The following GRK4 variants were observed in gnomAD, a reference collection of about 807,000 sequenced individuals.
GRK4 encodes the protein G protein-coupled receptor kinase 2-like.
In GRK4, 73 loss-of-function variants were observed where a neutral mutation model predicts 77.9. That is an observed-to-expected ratio of 0.94 (90% CI 0.78 to 1.14). The LOEUF (loss-of-function observed/expected upper bound fraction) is 1.14. Ranked by LOEUF, GRK4 falls within the 50% of genes most tolerant of loss-of-function variation. The pLI, the probability that GRK4 is intolerant of heterozygous loss-of-function variation, is 0.00. For missense variants in GRK4, 729 were observed against 700.2 expected, an observed-to-expected ratio of 1.04 and a Z score of -0.46; for synonymous variants, 257 against 254.4, an observed-to-expected ratio of 1.01 and a Z score of -0.10.
intron 15 of GRK4, among the ~76,000 whole-genome samples, chr4:3,039,334 T>C (rs1741749621): frequency 6.6e-6 from 1 of 152,212 alleles, no homozygotes; most frequent in Non-Finnish European, 1.5e-5. Flanking sequence ...CATCCTACTT[T>C]GCACCCTGTG....
intron 4 of GRK4, among the ~76,000 whole-genome samples, chr4:2,993,564 A>G (rs2515939): frequency 0.39 from 59,713 of 151,644 alleles, 12,674 homozygotes; most frequent in African/African-American, 0.55. Context: ...ATCCCAGCTA[A>G]TAGGGAGGCT....
intron 8 of GRK4, among the ~76,000 whole-genome samples, chr4:3,019,150 C>A (rs1187915107): frequency 1.3e-5 from 2 of 152,194 alleles, no homozygotes; most frequent in Middle Eastern, 3.2e-3. Context: ...GGTCCCCTAT[C>A]TTTGCATATA....
intron 14 of GRK4, 64 bp downstream of exon 14, chr4:3,037,575 G>A: frequency 1.8e-5 from 27 of 1,509,614 alleles, no homozygotes; most frequent in Non-Finnish European, 2.4e-5. Flanking sequence ...AAAAGGGTGT[G>A]TGTGTGTCCG....
chr4:2,975,604 A>G (rs1445125099), intron 1 of GRK4, among the ~76,000 whole-genome samples: 3 of 152,102 alleles, frequency 2.0e-5, no homozygotes, highest in Non-Finnish European at 2.9e-5. Context: ...CACCCCCAGG[A>G]CATTTTCCTC....
chr4:2,992,276 G>A lies in GRK4; in HGVS notation c.323G>A (p.Arg108Lys). ...GATTGTGGACTGTCAATCTTAGATA[G>A]ATTCTTCAATGATAAGGTGTGTTTT... Reference protein sequence around the residue: ...RSDCGLSILDRFFNDKLAAPL... With the variant: ...RSDCGLSILDKFFNDKLAAPL... Residue 108 changes from arginine (R) to lysine (K), a missense_variant, in exon 4 of 16, where the codon AGA becomes AAA. Coordinates refer to ENST00000398052, the MANE Select transcript of GRK4 (RefSeq NM_182982.3). 1.9e-6 allele frequency: 3 copies of A among 1,603,472 alleles called. No individual in the cohort carries two copies. In the South Asian group the frequency reaches 3.3e-5, roughly 18 times the overall value.
At chr4:2,992,565 C>T (rs1002739725) in intron 4 of GRK4, among the ~76,000 whole-genome samples, 5 of 152,072 alleles carry the variant, frequency 3.3e-5, no homozygotes, top group Non-Finnish European at 7.4e-5. Flanking sequence ...CATCTGTAGT[C>T]CCAGCTACTT....
intron 4 of GRK4, among the ~76,000 whole-genome samples, chr4:2,994,398 A>T (rs1344493462): frequency 6.6e-6 from 1 of 152,088 alleles, no homozygotes; most frequent in Non-Finnish European, 1.5e-5. Context: ...TTTAGTACAG[A>T]CGGGGTTTTG....
At chr4:3,003,856 C>T (rs910414318) in intron 4 of GRK4, among the ~76,000 whole-genome samples, 1 of 152,104 alleles carries the variant, frequency 6.6e-6, no homozygotes, top group Non-Finnish European at 1.5e-5. Flanking sequence ...CCTGCCTCAG[C>T]CTCCCAAGTA....
rs370523679 is a variant in GRK4, at chr4:2,964,079, C to A, written c.9C>A (p.Leu3=). Residue 3 remains leucine, a synonymous_variant, in exon 1 of 16, where the codon CTC becomes CTA. Coordinates refer to ENST00000398052, the MANE Select transcript of GRK4 (RefSeq NM_182982.3). The stretch of plus-strand genomic sequence containing the variant: ...GGCGGCGGCGCCAGGACATGGAGCT[C>A]GAGAACATCGTGGCCAACTCGCTGC... ME[L]ENIVANSLLL... 1.2e-6 allele frequency: 2 copies of A among 1,609,212 alleles called. No homozygotes were observed. The highest frequency in any genetic ancestry group is 1.7e-6 in the Non-Finnish European group (2 of 1,179,094).
rs1716430326 is a variant in GRK4 at position 2,963,723 on chromosome 4, G to A, written c.-348G>A. ...CCACGGCATTGACTCGGGGCTGCCCGGGGGCAGGGCACTGAGGAGGGAGTT... is the reference window on the plus strand; with the variant it reads ...CCACGGCATTGACTCGGGGCTGCCCAGGGGCAGGGCACTGAGGAGGGAGTT... On this transcript the variant is annotated 5_prime_UTR_variant, in exon 1 of 16. Transcript: ENST00000398052. 2.5e-6 allele frequency: 1 copy of A among 404,542 alleles called. No homozygotes were observed. Among genetic ancestry groups the A allele is most frequent in the South Asian group, 3.8e-5 (1 of 26,376 alleles). 25.1% of individuals were successfully genotyped at this position (404,542 alleles called of 1,614,324 possible).
At chr4:3,032,741 G>A (rs989561752) in intron 12 of GRK4, among the ~76,000 whole-genome samples, 2 of 152,190 alleles carry the variant, frequency 1.3e-5, no homozygotes, top group Admixed American at 1.3e-4. Flanking sequence ...ATTGTTGGGA[G>A]GATAAAATGA....
chr4:3,038,994 T>C (rs1741641605), intron 15 of GRK4: 1 of 153,652 alleles, frequency 6.5e-6, no homozygotes. Context: ...GGCAGGTGGA[T>C]CACCTGAGGT....
intron 1 of GRK4, among the ~76,000 whole-genome samples, chr4:2,980,542 C>T (rs1244538952): frequency 6.6e-6 from 1 of 151,760 alleles, no homozygotes; most frequent in Non-Finnish European, 1.5e-5. Context: ...TACCCCAGAA[C>T]AGCACCTAGA....
intron 3 of GRK4, among the ~76,000 whole-genome samples, chr4:2,990,954 CTG>C (rs1188471729): frequency 6.6e-6 from 1 of 152,202 alleles, no homozygotes; most frequent in African/African-American, 2.4e-5. Context: ...AGTGAAGGGA[CTG>C]TGTCTTATTC....
At chr4:3,023,847 G>A (rs977902268) in intron 10 of GRK4, among the ~76,000 whole-genome samples, 2 of 152,244 alleles carry the variant, frequency 1.3e-5, no homozygotes, top group African/African-American at 2.4e-5. Flanking sequence ...TGCAGAGTGT[G>A]TGTGTAGTGT....
chr4:3,004,206 T>G, intron 4 of GRK4, 25 bp from the exon 5 acceptor site: 1 of 1,431,126 alleles, frequency 7.0e-7, no homozygotes, highest in African/African-American at 1.4e-5. Context: ...CTAATGGTTA[T>G]GTATTTGGTT....
At chr4:2,994,767 T>G (rs1727292488) in intron 4 of GRK4, among the ~76,000 whole-genome samples, 1 of 152,118 alleles carries the variant, frequency 6.6e-6, no homozygotes, top group Non-Finnish European at 1.5e-5. Context: ...GACTGGGTAA[T>G]TTATGTATTT....
intron 4 of GRK4, 134 bp from the exon 5 acceptor site, chr4:3,004,097 G>A: frequency 1.5e-6 from 1 of 645,480 alleles, no homozygotes; most frequent in Non-Finnish European, 2.8e-6. Context: ...GGACGGGGTG[G>A]AGGGTCCAGG....
rs1295568488 is a variant in GRK4 at position 3,029,366 on chromosome 4, ATTCTGAGAAGTT to A, written c.1230_1241del (p.Lys412_Glu415del). On this transcript the variant is annotated inframe_deletion, in exon 12 of 16. Transcript: ENST00000398052. ...AGAATCAAGAATGATACCGAGGAGTATTCTGAGAAGTTTTCAGAGGATGCCAAATCTATCTGC... is the reference window on the plus strand; with the variant it reads ...AGAATCAAGAATGATACCGAGGAGTATTCAGAGGATGCCAAATCTATCTGC... 1 of 1,614,248 alleles carries A rather than the reference ATTCTGAGAAGTT, an allele frequency of 6.2e-7. No homozygotes were observed. Among genetic ancestry groups the A allele is most frequent in the Non-Finnish European group, 8.5e-7 (1 of 1,180,038 alleles).
Sources: gnomAD v4.1 joint callset for allele counts (sites outside exome capture counted in the v4.1 genomes callset) on GRCh38, gnomAD v4.1.1 for gene constraint, MANE v1.5 for transcripts, NCBI Gene and HGNC (gene_info 2026-07-23, HGNC 2026-07-21) for gene names.